Variants in ZFHX3 observed in about 807,000 individuals in gnomAD.
ZFHX3 encodes zinc finger homeobox 3, also known as zinc finger homeobox protein 3.
A neutral mutation model predicts 279.1 loss-of-function variants in ZFHX3; 42 were observed. The observed-to-expected ratio is 0.15, with a 90% CI of 0.12 to 0.19. The LOEUF (loss-of-function observed/expected upper bound fraction) is 0.19. Among genes scored for constraint, ZFHX3 ranks in the 10% least tolerant of loss-of-function variants. The pLI is 1.00. For synonymous variants in ZFHX3, 2,293 were observed against 1,957.8 expected (o/e 1.17, Z -4.52); for missense variants, 4,981 against 4,754.0 (o/e 1.05, Z -1.40).
intron 3 of ZFHX3, among the ~76,000 whole-genome samples, chr16:73,361,139 C>G (rs1469813915): frequency 2.6e-5 from 4 of 152,222 alleles, no homozygotes; most frequent in Admixed American, 2.6e-4. Flanking sequence ...ATCAAGTGGT[C>G]TGGAATAACT....
At chr16:72,892,397 T>C (rs111869883) in intron 3 of ZFHX3, among the ~76,000 whole-genome samples, 96 of 152,304 alleles carry the variant, frequency 6.3e-4, no homozygotes, top group African/African-American at 1.0e-3. Flanking sequence ...CCAGAAAGTA[T>C]TGGAAGAACC....
intron 2 of ZFHX3, among the ~76,000 whole-genome samples, chr16:73,587,737 G>A (rs1245568565): frequency 6.6e-6 from 1 of 152,172 alleles, no homozygotes; most frequent in African/African-American, 2.4e-5. Flanking sequence ...GTAATTTATA[G>A]TTTAAAAATG....
intron 5 of ZFHX3, among the ~76,000 whole-genome samples, chr16:73,242,015 A>G (rs914842036): frequency 1.3e-5 from 2 of 152,206 alleles, no homozygotes; most frequent in Admixed American, 6.5e-5. Context: ...TGAGATAACA[A>G]TGTCAAGTGC....
At chr16:73,726,551 A>G (rs1406504249) in intron 1 of ZFHX3, among the ~76,000 whole-genome samples, 1 of 152,202 alleles carries the variant, frequency 6.6e-6, no homozygotes, top group Non-Finnish European at 1.5e-5. Context: ...TGAGTAATTT[A>G]TAAAGGAAAG....
intron 2 of ZFHX3, among the ~76,000 whole-genome samples, chr16:73,503,308 C>T (rs2019270631): frequency 6.6e-6 from 1 of 152,200 alleles, no homozygotes; most frequent in Non-Finnish European, 1.5e-5. Flanking sequence ...CAGGGTAAAT[C>T]CTCAGGTATC....
chr16:73,673,620 A>G (rs2052925332), intron 2 of ZFHX3, among the ~76,000 whole-genome samples: 2 of 152,136 alleles, frequency 1.3e-5, no homozygotes, highest in Non-Finnish European at 2.9e-5. Context: ...AAATATATCT[A>G]CTGAGTTACC....
chr16:73,639,016 C>T (rs1013678124), intron 2 of ZFHX3, among the ~76,000 whole-genome samples: 12 of 152,118 alleles, frequency 7.9e-5, no homozygotes, highest in Non-Finnish European at 1.6e-4. Flanking sequence ...TTGTGTTAGA[C>T]TTCTAGACAC....
At chr16:73,281,184 T>C (rs1263258019) in intron 4 of ZFHX3, among the ~76,000 whole-genome samples, 1 of 152,186 alleles carries the variant, frequency 6.6e-6, no homozygotes, top group Non-Finnish European at 1.5e-5. Context: ...TGCACTCTCA[T>C]GTTCATTGCA....
chr16:73,195,114 C>A (rs575278839), intron 5 of ZFHX3, among the ~76,000 whole-genome samples: 1 of 152,268 alleles, frequency 6.6e-6, no homozygotes, highest in South Asian at 2.1e-4. Flanking sequence ...CAAATACCAC[C>A]TTTTGCATGT....
At chr16:73,620,267 T>G (rs2052345226) in intron 2 of ZFHX3, among the ~76,000 whole-genome samples, 1 of 152,188 alleles carries the variant, frequency 6.6e-6, no homozygotes, top group Admixed American at 6.5e-5. Flanking sequence ...AGCACCAGTG[T>G]AATAGTACAC....
intron 1 of ZFHX3, among the ~76,000 whole-genome samples, chr16:73,780,678 G>C (rs1383150992): frequency 6.6e-6 from 1 of 152,234 alleles, no homozygotes; most frequent in African/African-American, 2.4e-5. Flanking sequence ...CTGGCCTTAA[G>C]TGACCTGCCC....
At chr16:73,507,344 T>A (rs918517988) in intron 2 of ZFHX3, among the ~76,000 whole-genome samples, 2 of 152,100 alleles carry the variant, frequency 1.3e-5, no homozygotes, top group Non-Finnish European at 1.5e-5. Flanking sequence ...TCCTTTAAGT[T>A]CAATACAAAA....
At chr16:73,241,719 G>T (rs1304709605) in intron 5 of ZFHX3, among the ~76,000 whole-genome samples, 1 of 150,676 alleles carries the variant, frequency 6.6e-6, no homozygotes, top group East Asian at 2.0e-4. Flanking sequence ...GAACCCAGGA[G>T]GCGGAGGTTG....
Position 72,957,532 on chromosome 16 carries a change from G to C in ZFHX3, c.2614C>G (p.Leu872Val). The C allele has an allele frequency of 6.2e-7, 1 of 1,614,224 alleles. No homozygotes were observed. Among genetic ancestry groups the C allele is most frequent in the Non-Finnish European group, 8.5e-7 (1 of 1,180,046 alleles). The change falls in exon 2 of 10, where the codon CTG becomes GTG. Residue 872 changes from leucine to valine, a missense_variant. By Grantham distance (32) the Leu-to-Val change is conservative (BLOSUM62 1). Around this residue, in one of 7 missense-constraint regions of ZFHX3, gnomAD observed 1,751 missense variants for 1,770.0 expected, o/e 0.99. Coordinates refer to ENST00000268489, the MANE Select transcript of ZFHX3 (RefSeq NM_006885.4). ...GCACTGTCCATCTTCAGGTTGGGCA[G>C]GTTCATGTTCTGGGCCAGGTAGTAT... ...YQYYLAQNMN[L>V]PNLKMDSAAS...
At chr16:72,882,837 C>T (rs2038516063) in intron 4 of ZFHX3, among the ~76,000 whole-genome samples, 1 of 152,132 alleles carries the variant, frequency 6.6e-6, no homozygotes, top group Admixed American at 6.5e-5. Context: ...ACTCTGGCTT[C>T]ATTATATCCC....
At chr16:73,257,713 G>A (rs2013698555) in intron 4 of ZFHX3, among the ~76,000 whole-genome samples, 1 of 152,162 alleles carries the variant, frequency 6.6e-6, no homozygotes, top group Admixed American at 6.5e-5. Context: ...TACCCAATGT[G>A]AAACTGATTG....
chr16:73,523,900 G>A (rs2143712226), intron 2 of ZFHX3, among the ~76,000 whole-genome samples: 1 of 152,284 alleles, frequency 6.6e-6, no homozygotes, highest in African/African-American at 2.4e-5. Flanking sequence ...AAAAGGGGAT[G>A]GTCAACTGAT....
At chr16:73,449,319 G>A (rs933639219) in intron 3 of ZFHX3, among the ~76,000 whole-genome samples, 2 of 152,092 alleles carry the variant, frequency 1.3e-5, no homozygotes, top group Admixed American at 1.3e-4. Flanking sequence ...GACATTCTTA[G>A]GCATGCGCAA....
chr16:73,691,504 T>C (rs2053149588), intron 1 of ZFHX3, among the ~76,000 whole-genome samples: 2 of 152,224 alleles, frequency 1.3e-5, no homozygotes, highest in African/African-American at 4.8e-5. Flanking sequence ...CTCTACCATG[T>C]TTATAGCTGG....
Sources: gnomAD v4.1 joint callset for allele counts (sites outside exome capture counted in the v4.1 genomes callset) on GRCh38, gnomAD v4.1.1 for gene constraint, gnomAD v4.1.1 regional missense constraint, MANE v1.5 for transcripts, NCBI Gene and HGNC (gene_info 2026-07-23, HGNC 2026-07-21) for gene names.